PHACTR1: variants seen among roughly 807,000 people sequenced by gnomAD.
The protein encoded by PHACTR1 is phosphatase and actin regulator 1, also known as RPEL repeat containing 1.
A neutral mutation model predicts 69.2 loss-of-function variants in PHACTR1; 16 were observed. That is an observed-to-expected ratio of 0.23 (90% CI 0.16 to 0.35). The LOEUF (loss-of-function observed/expected upper bound fraction) is 0.35, where lower values mean the gene tolerates loss of function less well. Ranked by LOEUF, PHACTR1 falls within the 10% of genes least tolerant of loss-of-function variation. PHACTR1 has a pLI of 1.00. For synonymous variants in PHACTR1, 312 were observed against 284.5 expected (o/e 1.10, Z -0.97); for missense variants, 510 against 734.7 (o/e 0.69, Z 3.54).
chr6:12,884,334 AG>A (rs1783412530), intron 4 of PHACTR1, among the ~76,000 whole-genome samples: 2 of 152,154 alleles, frequency 1.3e-5, no homozygotes, highest in South Asian at 4.2e-4. Context: ...CTTTGGTTGA[AG>A]GGATCATATA....
chr6:12,956,081 G>A (rs1424879626), intron 4 of PHACTR1, among the ~76,000 whole-genome samples: 6 of 152,184 alleles, frequency 3.9e-5, no homozygotes, highest in Non-Finnish European at 5.9e-5. Context: ...TGGTGATTAT[G>A]GGCTGGGAAG....
chr6:13,211,662 C>T (rs114087273), intron 8 of PHACTR1, among the ~76,000 whole-genome samples: 1,583 of 152,298 alleles, frequency 0.01, 19 homozygotes, highest in Non-Finnish European at 0.014. Context: ...CTCTGGTTCC[C>T]CACATCTGAC....
rs145771848 is a variant in PHACTR1 at position 13,085,542 on chromosome 6, C to A, written c.415+32013C>A. 2.7e-3 allele frequency among the ~76,000 whole-genome samples: 410 copies of A among 152,022 alleles called. 2 individuals are homozygous for A. Among genetic ancestry groups the A allele is most frequent in the African/African-American group, 9.4e-3 (392 of 41,504 alleles). Reference sequence around the variant, plus strand: ...TTAATAAACTTCCTAATGGAAGATGCAACAATTCAAAATATGTATGTATCT... The same window carrying A: ...TTAATAAACTTCCTAATGGAAGATGAAACAATTCAAAATATGTATGTATCT... On this transcript the variant is annotated intron_variant, in intron 5 of 14. Coordinates refer to ENST00000332995, the MANE Select transcript of PHACTR1 (RefSeq NM_030948.6).
chr6:12,979,406 G>T (rs1319088387), intron 4 of PHACTR1, among the ~76,000 whole-genome samples: 1 of 152,178 alleles, frequency 6.6e-6, no homozygotes, highest in Non-Finnish European at 1.5e-5. Context: ...ACCTTCAGGA[G>T]TTCACAGTGC....
intron 4 of PHACTR1, among the ~76,000 whole-genome samples, chr6:12,825,323 A>G (rs1230232357): frequency 6.6e-6 from 1 of 152,114 alleles, no homozygotes; most frequent in African/African-American, 2.4e-5. Context: ...TCTCAAAAAA[A>G]AAAAAAAAGT....
chr6:13,263,500 T>C (rs941478504), intron 10 of PHACTR1, among the ~76,000 whole-genome samples: 3 of 152,148 alleles, frequency 2.0e-5, no homozygotes, highest in African/African-American at 7.2e-5. Context: ...AAAAAACCAT[T>C]TGAGGCATGG....
chr6:13,001,137 T>C (rs939840213), intron 4 of PHACTR1, among the ~76,000 whole-genome samples: 1 of 152,228 alleles, frequency 6.6e-6, no homozygotes, highest in Non-Finnish European at 1.5e-5. Context: ...GAAAATGTCA[T>C]GCAAGTAATG....
At chr6:13,156,116 C>G (rs1254077450) in intron 5 of PHACTR1, among the ~76,000 whole-genome samples, 1 of 152,162 alleles carries the variant, frequency 6.6e-6, no homozygotes, top group African/African-American at 2.4e-5. Flanking sequence ...CTTCCACTTA[C>G]AGCTGTGGTA....
At chr6:12,798,245 A>C (rs7757858) in intron 4 of PHACTR1, among the ~76,000 whole-genome samples, 67,080 of 152,028 alleles carry the variant, frequency 0.44, 15,579 homozygotes, top group African/African-American at 0.55. Flanking sequence ...GAAGCTTTCA[A>C]TCCAGAAATC....
At chr6:12,935,200 A>G (rs1257362818) in intron 4 of PHACTR1, among the ~76,000 whole-genome samples, 2 of 152,208 alleles carry the variant, frequency 1.3e-5, no homozygotes, top group Non-Finnish European at 2.9e-5. Flanking sequence ...AGAACAAACA[A>G]GGACCAAAAG....
intron 4 of PHACTR1, among the ~76,000 whole-genome samples, chr6:12,854,140 A>T (rs2127762840): frequency 6.6e-6 from 1 of 152,336 alleles, no homozygotes; most frequent in African/African-American, 2.4e-5. Context: ...TCAATGTCTT[A>T]GGAAATTTAA....
chr6:12,759,122 CAAAAAAAAAAAAA>C (rs1229879368), intron 4 of PHACTR1, among the ~76,000 whole-genome samples: 1 of 51,470 alleles, frequency 1.9e-5, no homozygotes, highest in African/African-American at 7.2e-5. Flanking sequence ...GACTCCACCT[CAAAAAAAAAAAAA>C]AAAAAAAAAA....
intron 4 of PHACTR1, among the ~76,000 whole-genome samples, chr6:12,913,733 CAAACCTTTGGGCA>C (rs1285726234): frequency 7.9e-5 from 12 of 152,176 alleles, no homozygotes; most frequent in Admixed American, 3.3e-4. Flanking sequence ...AGCTGAGCTG[CAAACCTTTGGGCA>C]TGTTTCATGA....
chr6:12,873,196 T>C (rs1053802338), intron 4 of PHACTR1, among the ~76,000 whole-genome samples: 3 of 151,694 alleles, frequency 2.0e-5, no homozygotes, highest in African/African-American at 4.8e-5. Flanking sequence ...AAAAATTCTT[T>C]TGTAGAGATA....
At chr6:12,796,853 G>A (rs1773062028) in intron 4 of PHACTR1, among the ~76,000 whole-genome samples, 2 of 152,156 alleles carry the variant, frequency 1.3e-5, no homozygotes. Context: ...TTCTCACTCT[G>A]TGTGCTGACA....
intron 3 of PHACTR1, among the ~76,000 whole-genome samples, chr6:12,731,989 T>A (rs1453059059): frequency 1.3e-4 from 20 of 152,178 alleles, no homozygotes; most frequent in Admixed American, 3.9e-4. Context: ...TTTTTTTTTT[T>A]TTATTTGGGA....
intron 4 of PHACTR1, chr6:12,958,036 A>C: frequency 4.1e-6 from 4 of 984,806 alleles, no homozygotes; most frequent in Non-Finnish European, 4.8e-6. Context: ...GCAGCCTTTA[A>C]GGTAGGCATT....
intron 3 of PHACTR1, among the ~76,000 whole-genome samples, chr6:12,736,203 T>C (rs1377381281): frequency 6.6e-6 from 1 of 152,222 alleles, no homozygotes; most frequent in Non-Finnish European, 1.5e-5. Context: ...TATTTAAGAT[T>C]AGCAAGTTAT....
chr6:12,752,091 A>T (rs1766691736), intron 4 of PHACTR1, among the ~76,000 whole-genome samples: 1 of 152,140 alleles, frequency 6.6e-6, no homozygotes, highest in African/African-American at 2.4e-5. Context: ...CGCTGCTCAA[A>T]TCGGGCGTTT....
Sources: allele counts gnomAD v4.1 joint callset (sites outside exome capture counted in the v4.1 genomes callset), GRCh38; gene constraint gnomAD v4.1.1; transcripts MANE v1.5; gene names NCBI Gene and HGNC (gene_info 2026-07-23, HGNC 2026-07-21).